Variants in ZNF140 observed in about 807,000 individuals in gnomAD.
The protein encoded by ZNF140 is zinc finger protein 140.
A neutral mutation model predicts 12.9 loss-of-function variants in ZNF140; 13 were observed. The ratio of observed to expected loss-of-function variants is 1.01; its 90% CI spans 0.66 to 1.60. ZNF140 has a LOEUF of 1.60. Ranked by LOEUF, ZNF140 falls within the 40% of genes most tolerant of loss-of-function variation. The probability of loss-of-function intolerance (pLI) is 0.00; values close to 1 mark genes in which losing one functional copy is unlikely to be tolerated. For synonymous variants in ZNF140, 214 were observed against 186.7 expected (o/e 1.15, Z -1.19); for missense variants, 531 against 548.8 (o/e 0.97, Z 0.32).
intron 2 of ZNF140, chr12:133,082,618 G>GT (rs1319901234): frequency 6.5e-6 from 1 of 154,254 alleles, no homozygotes; most frequent in African/African-American, 2.4e-5. Context: ...AGTTTCACAG[G>GT]TATTTCTTTA....
chr12:133,106,360 ATG>A lies in ZNF140; in HGVS notation c.1086_1087del (p.Cys362TrpfsTer2). 6.2e-7 allele frequency: 1 copy of A among 1,614,196 alleles called. No individual in the cohort carries two copies. Among genetic ancestry groups the A allele is most frequent in the Non-Finnish European group, 8.5e-7 (1 of 1,180,034 alleles). The part of the protein sequence containing the change: ...AGEKLYECDE[C>X]GKVFTWHASL... Reference sequence around the variant, plus strand: ...GAGAAAAGCTCTATGAATGTGATGAATGTGGTAAAGTTTTCACTTGGCATGCA... The same window carrying A: ...GAGAAAAGCTCTATGAATGTGATGAATGGTAAAGTTTTCACTTGGCATGCA... On this transcript the variant is annotated frameshift_variant, in exon 5 of 5. Transcript: ENST00000355557. LOFTEE classifies it low-confidence loss of function (END_TRUNC).
chr12:133,104,069 T>C (rs2137581008), intron 4 of ZNF140, among the ~76,000 whole-genome samples: 1 of 152,354 alleles, frequency 6.6e-6, no homozygotes, highest in Admixed American at 6.5e-5. Flanking sequence ...CTTAAAAGCT[T>C]ACTGTGAGAG....
At chr12:133,081,232 A>T in intron 1 of ZNF140, 41 bp from the exon 2 acceptor site, 2 of 1,080,454 alleles carry the variant, frequency 1.9e-6, no homozygotes, top group Non-Finnish European at 2.7e-6. Context: ...GGCGCGGCCT[A>T]GCTGGCCTGT....
chr12:133,086,075 G>A (rs1170704826), intron 4 of ZNF140, among the ~76,000 whole-genome samples: 14 of 152,098 alleles, frequency 9.2e-5, no homozygotes, highest in African/African-American at 2.4e-4. Context: ...TTCATTGTAC[G>A]ATAAGTATAC....
chr12:133,084,417 A>C (rs1395136593), intron 4 of ZNF140, among the ~76,000 whole-genome samples: 1 of 152,198 alleles, frequency 6.6e-6, no homozygotes, highest in East Asian at 1.9e-4. Flanking sequence ...TACAGAGACT[A>C]GAGAGTGTGC....
rs1003765493 is a variant in ZNF140, at chr12:133,083,144, G to A, written c.51G>A (p.Gln17=). 1.3e-5 allele frequency: 21 copies of A among 1,614,218 alleles called. No homozygotes were observed. In the African/African-American group the frequency reaches 2.8e-4, roughly 22 times the overall value. ...GAGATGTGGCCATAGACTTCTCCCAGGAGGAGTGGAAATGGCTTCAGCCTG... is the reference window on the plus strand; with the variant it reads ...GAGATGTGGCCATAGACTTCTCCCAAGAGGAGTGGAAATGGCTTCAGCCTG... The part of the protein sequence containing the change: ...TFRDVAIDFS[Q]EEWKWLQPAQ... The change falls in exon 3 of 5, where the codon CAG becomes CAA. Residue 17 remains glutamine (Q), a synonymous_variant. Coordinates refer to ENST00000355557, the MANE Select transcript of ZNF140 (RefSeq NM_003440.4).
In ZNF140 at chr12:133,082,843, C is replaced by CA. The variant is rs1300470617; in HGVS notation, c.10-259dup. ...ACCAATGCCAAAAATCCATATTGTT[C>CA]ATGTGTATAATCCTTTATTTTGAAT... On this transcript the variant is annotated intron_variant, in intron 2 of 4. Transcript: ENST00000355557. The CA allele has an allele frequency of 7.8e-4, 250 of 320,798 alleles. 5 individuals are homozygous for CA. In the East Asian group the frequency reaches 0.014, roughly 17 times the overall value. 19.9% of individuals were successfully genotyped at this position (320,798 alleles called of 1,614,324 possible).
At chr12:133,082,902 T>C (rs1954551135) in intron 2 of ZNF140, 2 of 619,186 alleles carry the variant, frequency 3.2e-6, no homozygotes, top group South Asian at 5.9e-5. Flanking sequence ...AGATAATTTA[T>C]GTTTTTCTCC....
chr12:133,092,061 TCCACAGTCTTGAGG>T (rs1001775648), intron 4 of ZNF140, among the ~76,000 whole-genome samples: 4 of 151,226 alleles, frequency 2.6e-5, no homozygotes, highest in Admixed American at 6.6e-5. Flanking sequence ...GTCTGAGAAT[TCCACAGTCTTGAGG>T]AATTCTTTTG....
At chr12:133,091,776 C>T (rs1253117235) in intron 4 of ZNF140, among the ~76,000 whole-genome samples, 2 of 151,266 alleles carry the variant, frequency 1.3e-5, no homozygotes, top group African/African-American at 4.9e-5. Context: ...CAGTTTCTGG[C>T]ACCAGATTTA....
In ZNF140 at chr12:133,094,279, A is replaced by G. The variant is rs992440292; in HGVS notation, c.232+10718A>G. The stretch of plus-strand genomic sequence containing the variant: ...GGACTATTAAGCATTCCCTGAGGCA[A>G]CACTTTCCACTGAAATCTGGTGGCT... On this transcript the variant is annotated intron_variant, in intron 4 of 4. Transcript: ENST00000355557. Among the ~76,000 whole-genome samples, 396 of 151,476 alleles carry G rather than the reference A, an allele frequency of 2.6e-3. 31 individuals carry two copies. The highest frequency in any genetic ancestry group is 8.9e-3 in the African/African-American group (363 of 41,002).
rs1020947258 is a variant in ZNF140 at position 133,093,457 on chromosome 12, A to C, written c.232+9896A>C. 7 of 699,724 alleles carry C rather than the reference A, an allele frequency of 1.0e-5. 1 individual carries two copies. The highest frequency in any genetic ancestry group is 2.0e-5 in the Admixed American group (1 of 49,886). The allele number at this position is 699,724 out of a possible 1,614,324, so 43.3% of individuals were successfully genotyped here. ...TGTGTCAGCTTCTTTAGCTGGGCCC[A>C]TGTCGACGGCTCCGCTTTCTTGGTA... On this transcript the variant is annotated intron_variant, in intron 4 of 4. Transcript: ENST00000355557.
At chr12:133,084,706 A>G (rs2137487615) in intron 4 of ZNF140, among the ~76,000 whole-genome samples, 1 of 152,332 alleles carries the variant, frequency 6.6e-6, no homozygotes, top group South Asian at 2.1e-4. Context: ...AGAGAAAAGG[A>G]GGAATGCGTA....
intron 4 of ZNF140, among the ~76,000 whole-genome samples, chr12:133,100,313 G>A (rs1955300403): frequency 6.6e-6 from 1 of 151,800 alleles, no homozygotes; most frequent in Admixed American, 6.6e-5. Flanking sequence ...GACCACAGGT[G>A]CATACCACCA....
chr12:133,106,694 A>T lies in ZNF140; in HGVS notation c.*43A>T, dbSNP rs905225. 863,685 of 1,471,220 alleles carry T rather than the reference A, an allele frequency of 0.59. 260,279 individuals carry two copies. The highest frequency in any genetic ancestry group is 0.8 in the African/African-American group (56,731 of 70,848). The allele number at this position is 1,471,220 out of a possible 1,614,324, so 91.1% of individuals were successfully genotyped here. A position where few individuals can be genotyped will look rare whatever the true frequency, so the allele number is the denominator to read the frequency against. On this transcript the variant is annotated 3_prime_UTR_variant, in exon 5 of 5. Coordinates refer to ENST00000355557, the MANE Select transcript of ZNF140 (RefSeq NM_003440.4). ...AAACTATGAATGTATGGAATTTTTT[A>T]AAAAGAAGTATAATGCCTTACTTCA...
rs1449954033 is a variant in ZNF140 at position 133,081,373 on chromosome 12, A to ATT, written c.9+48_9+49dup. 1.1e-3 allele frequency: 256 copies of ATT among 229,534 alleles called. 4 individuals are homozygous for ATT. The highest frequency in any genetic ancestry group is 1.3e-3 in the African/African-American group (46 of 34,968). 14.2% of individuals were successfully genotyped at this position (229,534 alleles called of 1,614,324 possible). On this transcript the variant is annotated intron_variant, in intron 2 of 4. Transcript: ENST00000355557. ...AATATATATATATATATATATATAA[A>ATT]TTTTTATTTTTTTTTTAAGAGAGAG...
intron 4 of ZNF140, among the ~76,000 whole-genome samples, chr12:133,096,171 T>C (rs1396962637): frequency 2.3e-4 from 32 of 139,918 alleles, no homozygotes; most frequent in South Asian, 4.6e-4. Context: ...TGTGGCTTTC[T>C]GCAGTGCATG....
intron 2 of ZNF140, chr12:133,082,883 T>C (rs1954550809): frequency 1.8e-6 from 1 of 545,730 alleles, no homozygotes; most frequent in Non-Finnish European, 3.1e-6. Flanking sequence ...TTGTAAATTA[T>C]CTCAGGACAG....
intron 4 of ZNF140, among the ~76,000 whole-genome samples, chr12:133,095,779 G>A (rs547940560): frequency 1.3e-5 from 2 of 151,800 alleles, no homozygotes; most frequent in African/African-American, 4.8e-5. Flanking sequence ...AAGGTACTAT[G>A]CCTGGATGTG....
Sources: gnomAD v4.1 joint callset for allele counts (sites outside exome capture counted in the v4.1 genomes callset) on GRCh38, gnomAD v4.1.1 for gene constraint, MANE v1.5 for transcripts, NCBI Gene and HGNC (gene_info 2026-07-23, HGNC 2026-07-21) for gene names.